NALF1: variants seen among roughly 807,000 people sequenced by gnomAD.
NALF1 encodes NALCN channel auxiliary factor 1.
Under a neutral mutation model 48.4 loss-of-function variants are expected in NALF1, and 3 were observed. The observed-to-expected ratio is 0.06, with a 90% CI of 0.03 to 0.16. The LOEUF is 0.16. NALF1 is among the 10% of genes least tolerant of loss of function. The probability of loss-of-function intolerance (pLI) is 1.00; values close to 1 mark genes in which losing one functional copy is unlikely to be tolerated. For synonymous variants in NALF1, 262 were observed against 245.7 expected, an observed-to-expected ratio of 1.07 and a Z score of -0.62; for missense variants, 526 against 571.5, an observed-to-expected ratio of 0.92 and a Z score of 0.81.
intron 2 of NALF1, among the ~76,000 whole-genome samples, chr13:107,173,227 C>G (rs923625647): frequency 6.6e-5 from 10 of 152,130 alleles, no homozygotes; most frequent in African/African-American, 2.4e-4. Flanking sequence ...GTAGATTCCC[C>G]TCAGGAAGTG....
chr13:107,833,953 C>CA (rs1232464304), intron 1 of NALF1, among the ~76,000 whole-genome samples: 1 of 151,988 alleles, frequency 6.6e-6, no homozygotes, highest in Non-Finnish European at 1.5e-5. Context: ...GAAGAAATTT[C>CA]AAACTTAATA....
At chr13:107,361,935 G>T (rs1883068223) in intron 1 of NALF1, among the ~76,000 whole-genome samples, 1 of 152,118 alleles carries the variant, frequency 6.6e-6, no homozygotes. Context: ...GCATTTAAAA[G>T]CCAGTGTATG....
chr13:107,616,300 G>A (rs530429320), intron 1 of NALF1, among the ~76,000 whole-genome samples: 34 of 152,274 alleles, frequency 2.2e-4, no homozygotes, highest in Admixed American at 1.2e-3. Context: ...CTGTCAACAC[G>A]CTTTCCTAAT....
At chr13:107,424,139 T>C (rs1257586303) in intron 1 of NALF1, among the ~76,000 whole-genome samples, 9 of 151,798 alleles carry the variant, frequency 5.9e-5, no homozygotes, top group Admixed American at 5.9e-4. Flanking sequence ...TTTACTTGTT[T>C]ATTTATTTAT....
At chr13:107,474,994 T>C (rs1885156623) in intron 1 of NALF1, among the ~76,000 whole-genome samples, 1 of 152,184 alleles carries the variant, frequency 6.6e-6, no homozygotes, top group Non-Finnish European at 1.5e-5. Context: ...TCAGAGCACG[T>C]CATCTGCTAA....
chr13:107,189,135 G>C (rs1879233195), intron 2 of NALF1, among the ~76,000 whole-genome samples: 1 of 152,168 alleles, frequency 6.6e-6, no homozygotes, highest in Admixed American at 6.6e-5. Flanking sequence ...GCTAAGTTGA[G>C]GAATAAATTG....
intron 1 of NALF1, among the ~76,000 whole-genome samples, chr13:107,537,826 T>C (rs1876879261): frequency 6.6e-6 from 1 of 152,098 alleles, no homozygotes; most frequent in Admixed American, 6.6e-5. Flanking sequence ...AAGACCAGCC[T>C]GGCCAACATG....
intron 1 of NALF1, among the ~76,000 whole-genome samples, chr13:107,672,411 C>T (rs1881013297): frequency 6.6e-6 from 1 of 152,126 alleles, no homozygotes; most frequent in Non-Finnish European, 1.5e-5. Flanking sequence ...TAGGGTAGCA[C>T]ATAGGGGAGG....
At chr13:107,171,784 T>A (rs1015195895) in intron 2 of NALF1, among the ~76,000 whole-genome samples, 1 of 138,940 alleles carries the variant, frequency 7.2e-6, no homozygotes, top group Non-Finnish European at 1.7e-5. Flanking sequence ...CATTTATCCA[T>A]GGGTGTTAGA....
At chr13:107,585,288 A>C (rs1878423154) in intron 1 of NALF1, among the ~76,000 whole-genome samples, 1 of 152,166 alleles carries the variant, frequency 6.6e-6, no homozygotes, top group South Asian at 2.1e-4. Context: ...CCAACCAAAC[A>C]AACCAAATCA....
intron 1 of NALF1, among the ~76,000 whole-genome samples, chr13:107,600,858 T>C (rs897376512): frequency 2.6e-5 from 4 of 152,188 alleles, no homozygotes; most frequent in African/African-American, 4.8e-5. Flanking sequence ...GAAAATTACA[T>C]GACTGCAGGG....
At chr13:107,383,366 T>C (rs1345764338) in intron 1 of NALF1, among the ~76,000 whole-genome samples, 1 of 152,204 alleles carries the variant, frequency 6.6e-6, no homozygotes, top group African/African-American at 2.4e-5. Flanking sequence ...ATTATGTGAT[T>C]CACCTCATTT....
intron 1 of NALF1, among the ~76,000 whole-genome samples, chr13:107,538,141 T>C (rs1876890713): frequency 6.6e-6 from 1 of 152,174 alleles, no homozygotes; most frequent in Non-Finnish European, 1.5e-5. Context: ...TAAAATATGA[T>C]TGAAGACCAC....
chr13:107,352,812 G>T (rs1190116795), intron 1 of NALF1, among the ~76,000 whole-genome samples: 2 of 152,130 alleles, frequency 1.3e-5, no homozygotes, highest in African/African-American at 2.4e-5. Context: ...TACAAGAAGA[G>T]ACCTTTTCTT....
intron 1 of NALF1, among the ~76,000 whole-genome samples, chr13:107,445,720 T>G (rs575869591): frequency 3.5e-4 from 53 of 152,282 alleles, no homozygotes; most frequent in African/African-American, 1.2e-3. Flanking sequence ...TCATTAGCAT[T>G]TAGTGTTATT....
intron 1 of NALF1, among the ~76,000 whole-genome samples, chr13:107,354,176 T>C (rs1456703310): frequency 1.3e-5 from 2 of 152,162 alleles, no homozygotes; most frequent in African/African-American, 4.8e-5. Context: ...CTTCCCTAGC[T>C]ATGTGTCACT....
intron 1 of NALF1, among the ~76,000 whole-genome samples, chr13:107,493,540 G>A: frequency 6.6e-6 from 1 of 152,138 alleles, no homozygotes; most frequent in African/African-American, 2.4e-5. Context: ...TAGAAATAAA[G>A]AAGTTTACAG....
Position 107,283,561 on chromosome 13 carries a change from G to A in NALF1, c.916-72806C>T, listed in dbSNP as rs538611596. ...GGGGCAGTTTTGAAGATGGCATCCC[G>A]TGTTCCCAGTTTGGAACTCTGGTGT... On this transcript the variant is annotated intron_variant, in intron 1 of 2. Transcript: ENST00000375915. Among the ~76,000 whole-genome samples, 19 of 152,172 alleles carry A rather than the reference G, an allele frequency of 1.2e-4. No homozygotes were observed. The South Asian group carries it at 1.5e-3, about 12-fold the overall frequency.
intron 1 of NALF1, among the ~76,000 whole-genome samples, chr13:107,814,620 C>G (rs1365751172): frequency 1.3e-5 from 2 of 152,204 alleles, no homozygotes; most frequent in Non-Finnish European, 1.5e-5. Context: ...AAAGGGTCAT[C>G]TCATCAGGAG....
Sources: allele counts gnomAD v4.1 joint callset (sites outside exome capture counted in the v4.1 genomes callset), GRCh38; gene constraint gnomAD v4.1.1; transcripts MANE v1.5; gene names NCBI Gene and HGNC (gene_info 2026-07-23, HGNC 2026-07-21).